The following TBC1D20 variants were observed in gnomAD, a reference collection of about 807,000 sequenced individuals.
TBC1D20 encodes chromosome 20 open reading frame 140.
In TBC1D20, 12 loss-of-function variants were observed where a neutral mutation model predicts 41.6. The ratio of observed to expected loss-of-function variants is 0.29; its 90% CI spans 0.18 to 0.47. The LOEUF is 0.47. Ranked by LOEUF, TBC1D20 falls within the 20% of genes least tolerant of loss-of-function variation. TBC1D20 has a pLI of 1.00. For synonymous variants in TBC1D20, 205 were observed against 204.8 expected, an observed-to-expected ratio of 1.00 and a Z score of -0.01; for missense variants, 421 against 517.4, an observed-to-expected ratio of 0.81 and a Z score of 1.81.
chr20:446,567 C>T (rs2017337005), intron 2 of TBC1D20, among the ~76,000 whole-genome samples: 1 of 152,148 alleles, frequency 6.6e-6, no homozygotes, highest in African/African-American at 2.4e-5. Context: ...TCTCGAACTC[C>T]TGACCTCAAG....
chr20:442,804 A>G (rs1158009155), intron 3 of TBC1D20, among the ~76,000 whole-genome samples: 3 of 152,234 alleles, frequency 2.0e-5, no homozygotes, highest in African/African-American at 7.2e-5. Flanking sequence ...AGCAGCTAAA[A>G]AAGCAAATGT....
At chr20:462,141 C>A (rs1372247988) in intron 1 of TBC1D20, among the ~76,000 whole-genome samples, 195 bp downstream of exon 1, 4 of 152,182 alleles carry the variant, frequency 2.6e-5, no homozygotes, top group African/African-American at 9.6e-5. Context: ...CGGCACCCGC[C>A]CGAGCCCCCC....
intron 1 of TBC1D20, among the ~76,000 whole-genome samples, chr20:454,135 C>A (rs1017835997): frequency 2.7e-5 from 4 of 150,378 alleles, no homozygotes; most frequent in Admixed American, 1.3e-4. Flanking sequence ...CCCAGCTACT[C>A]GAGAGGCTGA....
intron 1 of TBC1D20, among the ~76,000 whole-genome samples, chr20:453,683 T>C (rs1342301410): frequency 6.9e-6 from 1 of 144,620 alleles, no homozygotes; most frequent in African/African-American, 2.6e-5. Context: ...GTAGCTGGGA[T>C]TACGGGCACG....
intron 1 of TBC1D20, among the ~76,000 whole-genome samples, chr20:461,686 A>G (rs981676406): frequency 2.0e-5 from 3 of 152,238 alleles, no homozygotes; most frequent in African/African-American, 7.2e-5. Context: ...GAATAACATT[A>G]AAATAGGTGG....
At chr20:456,359 CCA>C (rs2017539924) in intron 1 of TBC1D20, among the ~76,000 whole-genome samples, 1 of 152,170 alleles carries the variant, frequency 6.6e-6, no homozygotes, top group Non-Finnish European at 1.5e-5. Context: ...ATCCATTCAT[CCA>C]TTCATCCGCC....
chr20:461,205 A>C (rs527919625), intron 1 of TBC1D20, among the ~76,000 whole-genome samples: 1 of 152,242 alleles, frequency 6.6e-6, no homozygotes, highest in African/African-American at 2.4e-5. Flanking sequence ...AGGAAAAAAG[A>C]TTATTTAACT....
intron 1 of TBC1D20, among the ~76,000 whole-genome samples, chr20:449,556 A>T (rs905620657): frequency 1.3e-4 from 20 of 151,450 alleles, no homozygotes; most frequent in Non-Finnish European, 2.1e-4. Context: ...AGATCGTGCC[A>T]CTGCACTCCA....
At chr20:448,603 C>A (rs2122403062) in intron 1 of TBC1D20, among the ~76,000 whole-genome samples, 1 of 150,084 alleles carries the variant, frequency 6.7e-6, no homozygotes, top group African/African-American at 2.4e-5. Context: ...GCAGAAGAAT[C>A]ACTTAAACCT....
chr20:449,917 A>G (rs2017414170), intron 1 of TBC1D20, among the ~76,000 whole-genome samples: 1 of 152,210 alleles, frequency 6.6e-6, no homozygotes, highest in Non-Finnish European at 1.5e-5. Flanking sequence ...ATAAACGCTC[A>G]GTAAATTCAG....
rs2017213350 is a variant in TBC1D20, at chr20:440,757, T to C, written c.627-368A>G. 3 of 173,496 alleles carry C rather than the reference T, an allele frequency of 1.7e-5. No homozygotes were observed. The Admixed American group carries it at 1.8e-4, about 10-fold the overall frequency. 10.7% of individuals were successfully genotyped at this position (173,496 alleles called of 1,614,324 possible). On this transcript the variant is annotated intron_variant, in intron 5 of 7. Coordinates refer to ENST00000354200, the MANE Select transcript of TBC1D20 (RefSeq NM_144628.4). ...ATATTCCCAAGCCTGAAAACATGAC[T>C]GCATTAATTTTTCTGTTAACATGAG...
At position 439,035 on chromosome 20, in the gene TBC1D20, C is replaced by G; in HGVS notation, c.956+73G>C. The G allele has an allele frequency of 6.5e-7, 1 of 1,539,824 alleles. No individual in the cohort carries two copies. Among genetic ancestry groups the G allele is most frequent in the African/African-American group, 1.4e-5 (1 of 73,242 alleles). On this transcript the variant is annotated intron_variant, in intron 7 of 7. Transcript: ENST00000354200. This position sits in a 1 kb window ranked among gnomAD's most constrained non-coding sequence, Gnocchi z 4.6. ...GAAACATGCCCCAACCCTATCCCAC[C>G]AGACACAAACCTTCCCTCGCTTCTG...
chr20:454,835 T>C (rs1024967874), intron 1 of TBC1D20, among the ~76,000 whole-genome samples: 4 of 151,964 alleles, frequency 2.6e-5, no homozygotes, highest in Non-Finnish European at 4.4e-5. Context: ...CCACCACACC[T>C]AGCTAATTTT....
At position 436,185 on chromosome 20, in the gene TBC1D20, A is replaced by G. The variant is rs2017114808; in HGVS notation, c.*2401T>C. Reference sequence around the variant, plus strand: ...AAGGCTGACCAGGAGTCCACAGACCATGGCACAGTTCTGGGCCTGACATGG... The same window carrying G: ...AAGGCTGACCAGGAGTCCACAGACCGTGGCACAGTTCTGGGCCTGACATGG... On this transcript the variant is annotated 3_prime_UTR_variant, in exon 8 of 8. Coordinates refer to ENST00000354200, the MANE Select transcript of TBC1D20 (RefSeq NM_144628.4). 6.6e-6 allele frequency: 1 copy of G among 152,252 alleles called. No homozygotes were observed. The highest frequency in any genetic ancestry group is 6.5e-5 in the Admixed American group (1 of 15,288). The allele number at this position is 152,252 out of a possible 1,614,324, so 9.4% of individuals were successfully genotyped here. A position where few individuals can be genotyped will look rare whatever the true frequency, so the allele number is the denominator to read the frequency against.
intron 1 of TBC1D20, among the ~76,000 whole-genome samples, chr20:448,497 T>C (rs1376552811): frequency 6.6e-6 from 1 of 151,930 alleles, no homozygotes; most frequent in Non-Finnish European, 1.5e-5. Context: ...GAGACCAGCC[T>C]GGCCAATATG....
intron 3 of TBC1D20, among the ~76,000 whole-genome samples, chr20:444,577 A>G (rs368534529): frequency 6.6e-6 from 1 of 152,004 alleles, no homozygotes; most frequent in African/African-American, 2.4e-5. Flanking sequence ...GTTTTTATTT[A>G]TTTATTTTTT....
intron 1 of TBC1D20, among the ~76,000 whole-genome samples, chr20:462,125 T>G (rs1034276082): frequency 6.6e-6 from 1 of 152,074 alleles, no homozygotes; most frequent in Non-Finnish European, 1.5e-5. Flanking sequence ...CTCCCTCGGG[T>G]CAGCTCGGCA....
rs1474009248 is a variant in TBC1D20 at position 437,419 on chromosome 20, A to T, written c.*1167T>A. ...TTTTTTCAGGCCAGAGTGAATCTAA[A>T]ACAAACCTGGCTTTGCTTACAGGGA... On this transcript the variant is annotated 3_prime_UTR_variant, in exon 8 of 8. Coordinates refer to ENST00000354200, the MANE Select transcript of TBC1D20 (RefSeq NM_144628.4). 1 of 152,664 alleles carries T rather than the reference A, an allele frequency of 6.6e-6. No homozygotes were observed. The highest frequency in any genetic ancestry group is 1.5e-5 in the Non-Finnish European group (1 of 68,056). 9.5% of individuals were successfully genotyped at this position (152,664 alleles called of 1,614,324 possible).
intron 1 of TBC1D20, among the ~76,000 whole-genome samples, chr20:457,143 T>C (rs1475209043): frequency 3.3e-5 from 5 of 150,668 alleles, no homozygotes; most frequent in Non-Finnish European, 7.4e-5. Context: ...TCCATGTTGG[T>C]CAGGCTGGTC....
Sources: gnomAD v4.1 joint callset for allele counts (sites outside exome capture counted in the v4.1 genomes callset) on GRCh38, gnomAD v4.1.1 for gene constraint, Gnocchi (gnomAD v3.1) non-coding constraint, MANE v1.5 for transcripts, NCBI Gene and HGNC (gene_info 2026-07-23, HGNC 2026-07-21) for gene names.